The following TBC1D5 variants were observed in gnomAD, a reference collection of about 807,000 sequenced individuals.
TBC1D5 encodes TBC1 domain family, member 5.
A neutral mutation model predicts 100.3 loss-of-function variants in TBC1D5; 75 were observed. The ratio of observed to expected loss-of-function variants is 0.75; its 90% CI spans 0.62 to 0.91. The LOEUF (loss-of-function observed/expected upper bound fraction) is 0.91. Ranked by LOEUF, TBC1D5 falls within the 40% of genes least tolerant of loss-of-function variation. The probability of loss-of-function intolerance (pLI) is 0.00; values close to 1 mark genes in which losing one functional copy is unlikely to be tolerated. For synonymous variants in TBC1D5, 323 were observed against 325.6 expected (o/e 0.99, Z 0.09); for missense variants, 910 against 942.4 (o/e 0.97, Z 0.45).
rs2084657724 is a variant in TBC1D5, at chr3:17,316,032, C to T, written c.996-7898G>A. Reference sequence around the variant, plus strand: ...GGAAGTTAGCAGCGACTGACCAAGGCCTAACTGTTCTGGACTGATTTTGCT... The same window carrying T: ...GGAAGTTAGCAGCGACTGACCAAGGTCTAACTGTTCTGGACTGATTTTGCT... On this transcript the variant is annotated intron_variant, in intron 13 of 21. Coordinates refer to ENST00000253692, the Ensembl canonical transcript of TBC1D5. 4.6e-5 allele frequency among the ~76,000 whole-genome samples: 7 copies of T among 152,122 alleles called. No homozygotes were observed. In the South Asian group the frequency reaches 1.0e-3, roughly 23 times the overall value.
chr3:17,633,305 G>A (rs1453424931), intron 1 of TBC1D5, among the ~76,000 whole-genome samples: 1 of 152,072 alleles, frequency 6.6e-6, no homozygotes, highest in Non-Finnish European at 1.5e-5. Context: ...AGGTGTGGTG[G>A]TGCACACCTA....
At chr3:17,539,194 A>C (rs958756237) in intron 2 of TBC1D5, among the ~76,000 whole-genome samples, 10 of 152,162 alleles carry the variant, frequency 6.6e-5, no homozygotes, top group African/African-American at 2.4e-4. Flanking sequence ...CAAATAAATA[A>C]AAAATAAACA....
chr3:17,559,788 A>G (rs2096546568), intron 2 of TBC1D5, among the ~76,000 whole-genome samples: 1 of 151,798 alleles, frequency 6.6e-6, no homozygotes, highest in Non-Finnish European at 1.5e-5. Flanking sequence ...ACGGGGTTTC[A>G]CTATATTGGC....
At chr3:17,437,475 AC>A (rs2094555758) in intron 3 of TBC1D5, among the ~76,000 whole-genome samples, 1 of 152,086 alleles carries the variant, frequency 6.6e-6, no homozygotes, top group Non-Finnish European at 1.5e-5. Flanking sequence ...TCTGGGTTCT[AC>A]CACCCACATC....
chr3:17,447,121 T>C (rs2094817299), intron 3 of TBC1D5, among the ~76,000 whole-genome samples: 1 of 152,154 alleles, frequency 6.6e-6, no homozygotes, highest in Non-Finnish European at 1.5e-5. Flanking sequence ...AAAATAGATT[T>C]AATTACAGAA....
intron 10 of TBC1D5, among the ~76,000 whole-genome samples, chr3:17,376,294 T>TA (rs1423683208): frequency 6.6e-6 from 1 of 152,148 alleles, no homozygotes; most frequent in East Asian, 1.9e-4. Context: ...CTTCCTTTGA[T>TA]ACAGAATCAA....
intron 9 of TBC1D5, among the ~76,000 whole-genome samples, chr3:17,379,587 A>G (rs1222314407): frequency 6.6e-6 from 1 of 152,094 alleles, no homozygotes; most frequent in African/African-American, 2.4e-5. Context: ...CTTGTGGTCT[A>G]GAAAGAAAGG....
chr3:17,677,905 C>A (rs562503567), intron 1 of TBC1D5, among the ~76,000 whole-genome samples: 12 of 152,176 alleles, frequency 7.9e-5, no homozygotes, highest in Non-Finnish European at 1.5e-4. Flanking sequence ...GTCAAAAAAA[C>A]CAAACACTGC....
At chr3:17,534,326 T>C (rs1340595019) in intron 2 of TBC1D5, among the ~76,000 whole-genome samples, 2 of 152,118 alleles carry the variant, frequency 1.3e-5, no homozygotes, top group Non-Finnish European at 2.9e-5. Flanking sequence ...ATCAGATACA[T>C]AAAAAGATAC....
intron 3 of TBC1D5, among the ~76,000 whole-genome samples, chr3:17,460,583 T>C (rs1025715474): frequency 2.0e-5 from 3 of 152,178 alleles, no homozygotes; most frequent in African/African-American, 7.2e-5. Context: ...ATCATTTCTA[T>C]TATGTTATCT....
chr3:17,567,625 C>A (rs1236978402), intron 2 of TBC1D5, among the ~76,000 whole-genome samples: 1 of 151,656 alleles, frequency 6.6e-6, no homozygotes, highest in African/African-American at 2.4e-5. Context: ...AATTTAGCTT[C>A]ATCAAAGCAG....
chr3:17,636,613 A>T (rs965510460), intron 1 of TBC1D5, among the ~76,000 whole-genome samples: 7 of 152,008 alleles, frequency 4.6e-5, no homozygotes, highest in African/African-American at 1.7e-4. Context: ...AACACGGTGA[A>T]ACCCTGTCTC....
chr3:17,237,380 C>T (rs2075945148), intron 17 of TBC1D5, among the ~76,000 whole-genome samples: 1 of 152,116 alleles, frequency 6.6e-6, no homozygotes, highest in Non-Finnish European at 1.5e-5. Context: ...CATTATGACT[C>T]TTCAAAAATA....
intron 2 of TBC1D5, among the ~76,000 whole-genome samples, chr3:17,521,262 T>C (rs906573223): frequency 4.6e-5 from 7 of 152,172 alleles, no homozygotes; most frequent in African/African-American, 1.7e-4. Flanking sequence ...GATTTTCTTC[T>C]GCATGTACCT....
intron 17 of TBC1D5, 113 bp from the exon 19 acceptor site, chr3:17,214,483 T>C: frequency 9.2e-7 from 1 of 1,085,356 alleles, no homozygotes; most frequent in Non-Finnish European, 1.3e-6. Flanking sequence ...GTTGATACTA[T>C]CAACATAATG....
chr3:17,217,503 G>A (rs2073790893), intron 17 of TBC1D5, among the ~76,000 whole-genome samples: 1 of 151,912 alleles, frequency 6.6e-6, no homozygotes, highest in African/African-American at 2.4e-5. Flanking sequence ...ATTGTATAAC[G>A]GTTCCAATTT....
At chr3:17,405,754 C>G (rs2093754821) in intron 5 of TBC1D5, among the ~76,000 whole-genome samples, 1 of 152,002 alleles carries the variant, frequency 6.6e-6, no homozygotes. Context: ...TTTACTTGCA[C>G]AGACTCAGTA....
Position 17,415,321 on chromosome 3 carries a change from C to T in TBC1D5, c.168-8795G>A, listed in dbSNP as rs866107770. On this transcript the variant is annotated intron_variant, in intron 4 of 21. Transcript: ENST00000253692. Reference sequence around the variant, plus strand: ...TACAGGCACCCACCACCACGCCCGGCGAAATTTTTTGTACTTTTTTAGTAG... The same window carrying T: ...TACAGGCACCCACCACCACGCCCGGTGAAATTTTTTGTACTTTTTTAGTAG... Among the ~76,000 whole-genome samples, 19 of 151,852 alleles carry T rather than the reference C, an allele frequency of 1.3e-4. No homozygotes were observed. In the East Asian group the frequency reaches 1.4e-3, roughly 11 times the overall value.
rs114017996 is a variant in TBC1D5, at chr3:17,716,714, A to G, written c.-101+22629T>C. On this transcript the variant is annotated intron_variant, in intron 1 of 21. Coordinates refer to ENST00000253692, the Ensembl canonical transcript of TBC1D5. ...AACTCCTTTTTCATGTAATCATTATATGAAATTTCTTTAACAGAGTTAGCC... is the reference window on the plus strand; with the variant it reads ...AACTCCTTTTTCATGTAATCATTATGTGAAATTTCTTTAACAGAGTTAGCC... Among the ~76,000 whole-genome samples the G allele has an allele frequency of 7.9e-3, 1,207 of 152,300 alleles. 9 individuals are homozygous for G. The highest frequency in any genetic ancestry group is 0.014 in the Non-Finnish European group (949 of 68,014).
Sources: gnomAD v4.1 joint callset for allele counts (sites outside exome capture counted in the v4.1 genomes callset) on GRCh38, gnomAD v4.1.1 for gene constraint, MANE v1.5 for transcripts, NCBI Gene and HGNC (gene_info 2026-07-23, HGNC 2026-07-21) for gene names.